The following SYNDIG1L variants were observed in gnomAD, a reference collection of about 807,000 sequenced individuals.
SYNDIG1L encodes the protein synapse differentiation inducing 1 like, also known as synapse differentiation-inducing gene protein 1-like.
Under a neutral mutation model 20.1 loss-of-function variants are expected in SYNDIG1L, and 13 were observed. The observed-to-expected ratio is 0.65, with a 90% CI of 0.42 to 1.03. SYNDIG1L has a LOEUF of 1.03. Among genes scored for constraint, SYNDIG1L ranks in the 50% least tolerant of loss-of-function variants. The probability of loss-of-function intolerance (pLI) is 0.00; values close to 1 mark genes in which losing one functional copy is unlikely to be tolerated. For synonymous variants in SYNDIG1L, 128 were observed against 129.3 expected (o/e 0.99, Z 0.07); for missense variants, 294 against 305.1 (o/e 0.96, Z 0.27).
the SYNDIG1L span, among the ~76,000 whole-genome samples, chr14:74,471,596 TCA>T: frequency 3.2e-3 from 476 of 149,636 alleles, 1 homozygote; most frequent in African/African-American, 0.01. Flanking sequence ...AGACCCTATC[TCA>T]CACACACACA....
the SYNDIG1L span, among the ~76,000 whole-genome samples, chr14:74,444,344 G>A: frequency 6.6e-6 from 1 of 152,086 alleles, no homozygotes; most frequent in East Asian, 1.9e-4. Context: ...ACAGGCGTGA[G>A]CCACTGTGTC....
the SYNDIG1L span, among the ~76,000 whole-genome samples, chr14:74,433,422 C>T: frequency 6.6e-6 from 1 of 151,652 alleles, no homozygotes; most frequent in Non-Finnish European, 1.5e-5. Flanking sequence ...CTTGCTCTGT[C>T]ACCCAGGCTG....
the SYNDIG1L span, among the ~76,000 whole-genome samples, chr14:74,431,528 A>G: frequency 2.0e-5 from 3 of 152,244 alleles, no homozygotes; most frequent in South Asian, 2.1e-4. Context: ...AAATAATTCA[A>G]TAAGTTTGTT....
intron 1 of SYNDIG1L, among the ~76,000 whole-genome samples, chr14:74,424,887 A>G (rs2139633166): frequency 6.6e-6 from 1 of 152,210 alleles, no homozygotes; most frequent in Non-Finnish European, 1.5e-5. Flanking sequence ...TCCCCACTCC[A>G]GGGGTGAGGA....
chr14:74,467,491 A>G, the SYNDIG1L span, among the ~76,000 whole-genome samples: 1 of 152,138 alleles, frequency 6.6e-6, no homozygotes, highest in Non-Finnish European at 1.5e-5. Flanking sequence ...CCACCCCCAG[A>G]GCAGCTCAGT....
At chr14:74,477,085 CACACAA>C in the SYNDIG1L span, among the ~76,000 whole-genome samples, 1 of 123,144 alleles carries the variant, frequency 8.1e-6, no homozygotes, top group African/African-American at 3.3e-5. Context: ...CACACACACA[CACACAA>C]CCCTGTCTCC....
At chr14:74,454,030 TAAG>T in the SYNDIG1L span, among the ~76,000 whole-genome samples, 1 of 151,242 alleles carries the variant, frequency 6.6e-6, no homozygotes, top group Non-Finnish European at 1.5e-5. Context: ...AAGAAGGAAA[TAAG>T]AAAGATCAAG....
At chr14:74,443,893 G>A in the SYNDIG1L span, among the ~76,000 whole-genome samples, 6 of 152,214 alleles carry the variant, frequency 3.9e-5, no homozygotes, top group South Asian at 2.1e-4. Flanking sequence ...AAACCTCCAC[G>A]GAATCTCTGA....
At chr14:74,455,224 T>C in the SYNDIG1L span, among the ~76,000 whole-genome samples, 1 of 152,158 alleles carries the variant, frequency 6.6e-6, no homozygotes, top group African/African-American at 2.4e-5. Flanking sequence ...TTACTACTTG[T>C]GCTCTGCCTA....
the SYNDIG1L span, among the ~76,000 whole-genome samples, chr14:74,441,212 C>G: frequency 2.0e-5 from 3 of 152,128 alleles, no homozygotes; most frequent in Non-Finnish European, 4.4e-5. Context: ...TGTTTTTAAT[C>G]CTGGAAAGTT....
At chr14:74,422,038 A>T (rs932709823) in intron 1 of SYNDIG1L, among the ~76,000 whole-genome samples, 1 of 152,138 alleles carries the variant, frequency 6.6e-6, no homozygotes, top group East Asian at 1.9e-4. Context: ...CTGCTACTCA[A>T]ATTAGTCCAT....
At chr14:74,447,490 G>T in the SYNDIG1L span, among the ~76,000 whole-genome samples, 12 of 152,184 alleles carry the variant, frequency 7.9e-5, no homozygotes, top group South Asian at 1.9e-3. Flanking sequence ...GAGAGGCTGA[G>T]GCTGGAGAAT....
upstream of SYNDIG1L, among the ~76,000 whole-genome samples, chr14:74,427,602 G>C (rs1279300311): frequency 2.0e-5 from 3 of 152,096 alleles, no homozygotes; most frequent in Non-Finnish European, 2.9e-5. Flanking sequence ...AACTTGTTGG[G>C]TGCTAAATAT....
intron 1 of SYNDIG1L, among the ~76,000 whole-genome samples, chr14:74,416,471 A>G (rs1167112831): frequency 1.3e-5 from 2 of 152,038 alleles, no homozygotes; most frequent in African/African-American, 4.8e-5. Flanking sequence ...CCATCTCTAC[A>G]AAAAATAAAA....
chr14:74,413,394 A>G (rs2086148007), intron 1 of SYNDIG1L, among the ~76,000 whole-genome samples: 2 of 152,340 alleles, frequency 1.3e-5, no homozygotes, highest in South Asian at 4.1e-4. Context: ...TACTGTGCAC[A>G]ATACAGTTGT....
chr14:74,469,286 T>C, the SYNDIG1L span, among the ~76,000 whole-genome samples: 1 of 147,406 alleles, frequency 6.8e-6, no homozygotes, highest in Non-Finnish European at 1.5e-5. Flanking sequence ...AACCAAACAC[T>C]GCATGTTCTC....
chr14:74,416,564 G>T (rs1042463344), intron 1 of SYNDIG1L, among the ~76,000 whole-genome samples: 1 of 152,158 alleles, frequency 6.6e-6, no homozygotes, highest in Non-Finnish European at 1.5e-5. Flanking sequence ...AGGCCAGGAG[G>T]TCTAAGCTGC....
chr14:74,415,902 T>C (rs536970837), intron 1 of SYNDIG1L, among the ~76,000 whole-genome samples: 9 of 152,286 alleles, frequency 5.9e-5, no homozygotes, highest in Admixed American at 1.3e-4. Context: ...ATAGTTAAGA[T>C]GTTAAGCTTA....
intron 1 of SYNDIG1L, among the ~76,000 whole-genome samples, chr14:74,421,807 T>C (rs8010677): frequency 0.52 from 79,815 of 152,038 alleles, 21,267 homozygotes; most frequent in African/African-American, 0.61. Context: ...TGGGGGAACC[T>C]GGGAAAGACA....
Sources: allele counts gnomAD v4.1 joint callset (sites outside exome capture counted in the v4.1 genomes callset), GRCh38; gene constraint gnomAD v4.1.1; transcripts MANE v1.5; gene names NCBI Gene and HGNC (gene_info 2026-07-23, HGNC 2026-07-21).